Variants in SIPA1L3 observed in about 807,000 individuals in gnomAD.
The protein encoded by SIPA1L3 is signal-induced proliferation-associated 1-like protein 3.
SIPA1L3 carries 59 observed loss-of-function variants against 150.1 expected under a neutral mutation model. That is an observed-to-expected ratio of 0.39 (90% CI 0.32 to 0.49). The LOEUF is 0.49. SIPA1L3 is among the 20% of genes least tolerant of loss of function. The pLI, the probability that SIPA1L3 is intolerant of heterozygous loss-of-function variation, is 0.86. For synonymous variants in SIPA1L3, 1,070 were observed against 1,077.6 expected, an observed-to-expected ratio of 0.99 and a Z score of 0.14; for missense variants, 2,211 against 2,489.5, an observed-to-expected ratio of 0.89 and a Z score of 2.38.
rs546749492 is a variant in SIPA1L3, at chr19:38,000,210, T to A, written c.-378-28879T>A. 4.5e-4 allele frequency among the ~76,000 whole-genome samples: 69 copies of A among 152,238 alleles called. No individual in the cohort carries two copies. In the South Asian group the frequency reaches 6.2e-3, roughly 14 times the overall value. The stretch of plus-strand genomic sequence containing the variant: ...AGCTAGGTGTGGTGGCTCACACCTG[T>A]AATCCCAGCACTTTGGGAGGCCGAG... On this transcript the variant is annotated intron_variant, in intron 1 of 21. Transcript: ENST00000222345.
At chr19:38,029,225 T>A (rs1038109831) in intron 2 of SIPA1L3, 69 bp downstream of exon 2, 2 of 152,124 alleles carry the variant, frequency 1.3e-5, no homozygotes, top group Non-Finnish European at 2.9e-5. Flanking sequence ...TTTTTTAAAA[T>A]TTTAAAAAAA....
Position 38,049,496 on chromosome 19 carries a change from C to T in SIPA1L3, c.-311+20340C>T, listed in dbSNP as rs937232051. On this transcript the variant is annotated intron_variant, in intron 2 of 21. Coordinates refer to ENST00000222345, the MANE Select transcript of SIPA1L3 (RefSeq NM_015073.3). ...CTGCCACGGCTCACGTGTCTGGTCC[C>T]CTGGTGTTGGGCATCCAGGTTGCCC... is the stretch of plus-strand genomic sequence containing the variant. Among the ~76,000 whole-genome samples, 3 of 152,140 alleles carry T rather than the reference C, an allele frequency of 2.0e-5. No homozygotes were observed. In the South Asian group the frequency reaches 6.2e-4, roughly 32 times the overall value.
At chr19:38,142,435 T>C in intron 11 of SIPA1L3, 138 bp from the exon 12 acceptor site, 1 of 917,196 alleles carries the variant, frequency 1.1e-6, no homozygotes, top group Non-Finnish European at 1.6e-6. Context: ...GCAGAAGGGA[T>C]GTGGCTGGGC....
intron 1 of SIPA1L3, among the ~76,000 whole-genome samples, chr19:38,026,312 C>G (rs1295227121): frequency 6.6e-6 from 1 of 152,170 alleles, no homozygotes; most frequent in Non-Finnish European, 1.5e-5. Context: ...ATCTCTTTCC[C>G]CCATAGTCCC....
chr19:38,161,786 G>A (rs1047096290), intron 13 of SIPA1L3, among the ~76,000 whole-genome samples: 6 of 150,954 alleles, frequency 4.0e-5, no homozygotes, highest in Non-Finnish European at 8.8e-5. Context: ...GGTGGCTCAC[G>A]CCTATCATCC....
intron 6 of SIPA1L3, among the ~76,000 whole-genome samples, chr19:38,103,955 A>G (rs1047390432): frequency 2.0e-5 from 3 of 151,620 alleles, no homozygotes; most frequent in Non-Finnish European, 2.9e-5. Context: ...TATATGATAT[A>G]TAGGATTGAA....
chr19:38,196,478 AGT>A (rs1972946399), intron 18 of SIPA1L3, among the ~76,000 whole-genome samples: 1 of 139,858 alleles, frequency 7.2e-6, no homozygotes, highest in African/African-American at 2.7e-5. Flanking sequence ...TCAAGGGCAG[AGT>A]GTGGATGTCA....
At chr19:38,059,847 G>A (rs1457599140) in intron 2 of SIPA1L3, among the ~76,000 whole-genome samples, 3 of 151,898 alleles carry the variant, frequency 2.0e-5, no homozygotes, top group East Asian at 3.9e-4. Flanking sequence ...TGCAATCTCC[G>A]GTCACTGCAG....
intron 1 of SIPA1L3, among the ~76,000 whole-genome samples, chr19:37,977,913 C>T (rs1401428249): frequency 6.6e-6 from 1 of 152,180 alleles, no homozygotes; most frequent in Non-Finnish European, 1.5e-5. Flanking sequence ...TAAATGTTTC[C>T]TCAATGAATA....
rs185743893 is a variant in SIPA1L3 at position 38,019,083 on chromosome 19, G to A, written c.-378-10006G>A. Among the ~76,000 whole-genome samples, 328 of 152,294 alleles carry A rather than the reference G, an allele frequency of 2.2e-3. 1 individual carries two copies. The highest frequency in any genetic ancestry group is 7.4e-3 in the African/African-American group (308 of 41,562). On this transcript the variant is annotated intron_variant, in intron 1 of 21. Transcript: ENST00000222345. ...AGGTTACTAGAAGGATTTCTTTGGT[G>A]TAAAATACTGTCCCATCACTCATCT...
At chr19:38,179,934 C>T (rs1455799134) in intron 15 of SIPA1L3, among the ~76,000 whole-genome samples, 2 of 152,128 alleles carry the variant, frequency 1.3e-5, no homozygotes, top group Non-Finnish European at 2.9e-5. Flanking sequence ...CCTCTGCCTC[C>T]TGGGTTTAAG....
intron 1 of SIPA1L3, among the ~76,000 whole-genome samples, chr19:37,991,825 G>T (rs903229285): frequency 6.6e-6 from 1 of 152,224 alleles, no homozygotes; most frequent in East Asian, 1.9e-4. Flanking sequence ...GGCATTTGGA[G>T]TTGGGTGTGA....
At chr19:38,155,045 G>A (rs1222197134) in intron 13 of SIPA1L3, among the ~76,000 whole-genome samples, 2 of 152,116 alleles carry the variant, frequency 1.3e-5, no homozygotes, top group Non-Finnish European at 2.9e-5. Flanking sequence ...ACAGGTGTGA[G>A]CCACCACACA....
chr19:38,173,979 G>T (rs965118175), intron 15 of SIPA1L3, among the ~76,000 whole-genome samples: 10 of 151,670 alleles, frequency 6.6e-5, no homozygotes, highest in African/African-American at 1.7e-4. Flanking sequence ...CAGATGGGGG[G>T]CCCTGTCGGG....
intron 2 of SIPA1L3, among the ~76,000 whole-genome samples, chr19:38,053,747 G>A (rs1424021034): frequency 6.6e-6 from 1 of 151,606 alleles, no homozygotes. Flanking sequence ...TTATTTTTTG[G>A]TAGAGACAGG....
intron 10 of SIPA1L3, among the ~76,000 whole-genome samples, chr19:38,134,662 A>G (rs570891908): frequency 3.0e-5 from 4 of 135,036 alleles, no homozygotes; most frequent in African/African-American, 1.1e-4. Context: ...AGCCGATTGC[A>G]CCACTGCACT....
intron 1 of SIPA1L3, among the ~76,000 whole-genome samples, chr19:38,025,462 C>G (rs543540862): frequency 6.6e-6 from 1 of 152,294 alleles, no homozygotes; most frequent in African/African-American, 2.4e-5. Flanking sequence ...TTTCCACGGC[C>G]CTTTGGCATC....
chr19:38,084,841 T>C (rs1970091000), intron 3 of SIPA1L3, among the ~76,000 whole-genome samples: 1 of 152,000 alleles, frequency 6.6e-6, no homozygotes, highest in South Asian at 2.1e-4. Context: ...GGTTTCTCCA[T>C]GTTGGCCAGG....
At chr19:38,148,972 G>C (rs1028246604) in intron 12 of SIPA1L3, among the ~76,000 whole-genome samples, 23 of 152,204 alleles carry the variant, frequency 1.5e-4, no homozygotes, top group African/African-American at 5.5e-4. Context: ...TGAGATGCTG[G>C]AATGTCCCGA....
Sources: gnomAD v4.1 joint callset for allele counts (sites outside exome capture counted in the v4.1 genomes callset) on GRCh38, gnomAD v4.1.1 for gene constraint, MANE v1.5 for transcripts, NCBI Gene and HGNC (gene_info 2026-07-23, HGNC 2026-07-21) for gene names.